Variants in PCDH11X observed in about 807,000 individuals in gnomAD.
The protein encoded by PCDH11X is protocadherin 11 X-linked, also known as protocadherin-11 X-linked.
A neutral mutation model predicts 53.3 loss-of-function variants in PCDH11X; 18 were observed. That is an observed-to-expected ratio of 0.34 (90% CI 0.23 to 0.50). PCDH11X has a LOEUF of 0.50. Among genes scored for constraint, PCDH11X ranks in the 20% least tolerant of loss-of-function variants. PCDH11X has a pLI of 0.98. For missense variants in PCDH11X, 570 were observed against 1,032.4 expected (o/e 0.55, Z 6.14); for synonymous variants, 279 against 393.3 (o/e 0.71, Z 3.44).
intron 5 of PCDH11X, among the ~76,000 whole-genome samples, chrX:91,857,935 C>A (rs1487194589): frequency 9.0e-6 from 1 of 111,565 alleles, no homozygotes; most frequent in Admixed American, 9.5e-5. Context: ...AGATAGTGCA[C>A]CAGTGGGGAT....
intron 6 of PCDH11X, among the ~76,000 whole-genome samples, chrX:92,057,950 C>T (rs2063474007): frequency 2.3e-5 from 2 of 87,976 alleles, no homozygotes; most frequent in South Asian, 8.5e-4. Context: ...TTGCAGTCTA[C>T]TTGATTTGCC....
At chrX:92,298,723 CA>C (rs2148466761) in intron 8 of PCDH11X, among the ~76,000 whole-genome samples, 1 of 110,826 alleles carries the variant, frequency 9.0e-6, no homozygotes, top group African/African-American at 3.3e-5. Flanking sequence ...GGAATGTTCC[CA>C]GACCAAACTG....
chrX:92,274,814 C>A (rs940144573), intron 8 of PCDH11X, among the ~76,000 whole-genome samples: 10 of 110,310 alleles, frequency 9.1e-5, no homozygotes, highest in African/African-American at 3.3e-4. Context: ...CCTGGTAGAA[C>A]TGCCATCAAT....
intron 8 of PCDH11X, among the ~76,000 whole-genome samples, chrX:92,332,458 T>C (rs1475617650): frequency 8.9e-6 from 1 of 111,789 alleles, no homozygotes; most frequent in African/African-American, 3.3e-5. Context: ...GACCATAAGA[T>C]GTGAGTTCTC....
intron 8 of PCDH11X, among the ~76,000 whole-genome samples, chrX:92,267,043 C>A (rs1297631635): frequency 8.9e-6 from 1 of 111,732 alleles, no homozygotes; most frequent in Non-Finnish European, 1.9e-5. Flanking sequence ...CTGCACCCGG[C>A]CTACTTATTT....
At chrX:92,147,807 C>CTTTCTTTCT (rs778423389) in intron 6 of PCDH11X, among the ~76,000 whole-genome samples, 6 of 82,253 alleles carry the variant, frequency 7.3e-5, no homozygotes, top group African/African-American at 2.6e-4. Context: ...TCTTTTCTTC[C>CTTTCTTTCT]TTCCTTTCTT....
chrX:92,269,736 C>G (rs1182812430), intron 8 of PCDH11X, among the ~76,000 whole-genome samples: 1 of 111,279 alleles, frequency 9.0e-6, no homozygotes, highest in Admixed American at 9.6e-5. Context: ...AAAAGGCCTC[C>G]CCTTAAGTCA....
chrX:91,995,553 T>C (rs1376812054), intron 6 of PCDH11X, among the ~76,000 whole-genome samples: 1 of 111,691 alleles, frequency 9.0e-6, no homozygotes, highest in Non-Finnish European at 1.9e-5. Context: ...TCTGTCTTTA[T>C]GCCAGTACCA....
chrX:91,937,711 C>G (rs1255874034), intron 6 of PCDH11X, among the ~76,000 whole-genome samples: 1 of 111,029 alleles, frequency 9.0e-6, no homozygotes, highest in African/African-American at 3.3e-5. Context: ...TTCTCTCTGT[C>G]TTTAGCGACT....
chrX:92,506,223 T>TC (rs2074057763), intron 10 of PCDH11X, among the ~76,000 whole-genome samples: 1 of 67,176 alleles, frequency 1.5e-5, no homozygotes, highest in Non-Finnish European at 2.9e-5. Flanking sequence ...TTTCTTTTTT[T>TC]TTTTTTTTTT....
intron 6 of PCDH11X, among the ~76,000 whole-genome samples, chrX:92,046,653 A>G (rs2063293612): frequency 1.8e-5 from 2 of 108,592 alleles, no homozygotes; most frequent in Non-Finnish European, 1.9e-5. Flanking sequence ...AAATGGTACT[A>G]TTTTTTTTTA....
intron 10 of PCDH11X, among the ~76,000 whole-genome samples, chrX:92,599,254 TG>T (rs1317486109): frequency 8.9e-6 from 1 of 111,883 alleles, no homozygotes; most frequent in Non-Finnish European, 1.9e-5. Flanking sequence ...CCATATTTCA[TG>T]GTGTGATTGT....
At chrX:92,353,879 A>G (rs1267252462) in intron 8 of PCDH11X, among the ~76,000 whole-genome samples, 1 of 107,913 alleles carries the variant, frequency 9.3e-6, no homozygotes, top group African/African-American at 3.4e-5. Flanking sequence ...GGTATTAAAC[A>G]TTGCATGTTT....
intron 5 of PCDH11X, among the ~76,000 whole-genome samples, chrX:91,853,905 A>T (rs891785769): frequency 9.1e-6 from 1 of 109,559 alleles, no homozygotes; most frequent in Non-Finnish European, 1.9e-5. Context: ...AGGTGTATAT[A>T]TTCATGGGGT....
chrX:92,482,509 G>A (rs2073530783), intron 10 of PCDH11X, among the ~76,000 whole-genome samples: 1 of 111,258 alleles, frequency 9.0e-6, no homozygotes, highest in Non-Finnish European at 1.9e-5. Flanking sequence ...ATTTTTTTAC[G>A]AGTTTATCAA....
At chrX:92,132,641 ATATATATATATATATG>A (rs2065005897) in intron 6 of PCDH11X, among the ~76,000 whole-genome samples, 1 of 78,004 alleles carries the variant, frequency 1.3e-5, no homozygotes, top group African/African-American at 5.9e-5. Flanking sequence ...ATATGTATAT[ATATATATATATATATG>A]TATATATATA....
Position 92,113,506 on chromosome X carries a change from C to A in PCDH11X, c.3034-87869C>A. 5.0e-6 allele frequency: 6 copies of A among 1,201,921 alleles called. No homozygotes were observed. In the South Asian group the frequency reaches 5.3e-5, roughly 11 times the overall value. On this transcript the variant is annotated intron_variant, in intron 6 of 10. Coordinates refer to ENST00000682573, the MANE Select transcript of PCDH11X (RefSeq NM_032968.5). Reference sequence around the variant, plus strand: ...AATCAAAACTCTGCTAGAGCCAGAACGAAACTCCCTCGTGATCACGTCTCG... The same window carrying A: ...AATCAAAACTCTGCTAGAGCCAGAAAGAAACTCCCTCGTGATCACGTCTCG...
chrX:92,071,905 G>A (rs1325198873), intron 6 of PCDH11X, among the ~76,000 whole-genome samples: 1 of 111,772 alleles, frequency 8.9e-6, no homozygotes, highest in Non-Finnish European at 1.9e-5. Flanking sequence ...CTTGCCCATG[G>A]CCTTCTCTTC....
chrX:91,873,473 A>G (rs1392134110), intron 5 of PCDH11X, among the ~76,000 whole-genome samples: 1 of 111,626 alleles, frequency 9.0e-6, no homozygotes, highest in Non-Finnish European at 1.9e-5. Context: ...ATTAACTAAT[A>G]TGTACATTTC....
Sources: allele counts gnomAD v4.1 joint callset (sites outside exome capture counted in the v4.1 genomes callset), GRCh38; gene constraint gnomAD v4.1.1; transcripts MANE v1.5; gene names NCBI Gene and HGNC (gene_info 2026-07-23, HGNC 2026-07-21).